DMXL2: variants seen among roughly 807,000 people sequenced by gnomAD.
DMXL2 encodes Dmx like 2.
Under a neutral mutation model 331.1 loss-of-function variants are expected in DMXL2, and 103 were observed. That is an observed-to-expected ratio of 0.31 (90% CI 0.27 to 0.37). The LOEUF (loss-of-function observed/expected upper bound fraction) is 0.37, where lower values mean the gene tolerates loss of function less well. DMXL2 is among the 10% of genes least tolerant of loss of function. DMXL2 has a pLI of 1.00. For missense variants in DMXL2, 3,171 were observed against 3,642.9 expected (o/e 0.87, Z 3.33); for synonymous variants, 1,281 against 1,252.1 (o/e 1.02, Z -0.49).
intron 13 of DMXL2, among the ~76,000 whole-genome samples, chr15:51,531,900 G>A (rs1251988518): frequency 6.6e-6 from 1 of 152,164 alleles, no homozygotes. Context: ...GTGGAGAAAA[G>A]GGAACCCTCA....
chr15:51,458,462 A>G (rs760332026), intron 36 of DMXL2, 44 bp downstream of exon 36: 1 of 1,594,030 alleles, frequency 6.3e-7, no homozygotes, highest in Non-Finnish European at 8.6e-7. Flanking sequence ...TTTGGTGGGT[A>G]CTTCTTACAG....
intron 13 of DMXL2, among the ~76,000 whole-genome samples, chr15:51,529,826 A>G (rs1211047121): frequency 6.6e-6 from 1 of 152,122 alleles, no homozygotes; most frequent in Non-Finnish European, 1.5e-5. Flanking sequence ...CAGGTCAATA[A>G]CTCTGATGAA....
intron 24 of DMXL2, 138 bp downstream of exon 24, chr15:51,480,404 T>C: frequency 9.1e-7 from 1 of 1,103,228 alleles, no homozygotes; most frequent in Non-Finnish European, 1.2e-6. Context: ...AGTATAAATA[T>C]CTGCCTCCTA....
At chr15:51,455,678 A>G (rs2039560207) in intron 39 of DMXL2, among the ~76,000 whole-genome samples, 1 of 152,194 alleles carries the variant, frequency 6.6e-6, no homozygotes, top group South Asian at 2.1e-4. Context: ...GGTGTGAACC[A>G]CTGTGACTGG....
rs3751584 is a variant in DMXL2, at chr15:51,481,160, G to A, written c.5946C>T (p.His1982=). The A allele has an allele frequency of 1.5e-3, 2,470 of 1,613,470 alleles. 53 individuals carry two copies. The East Asian group carries it at 0.048, about 31-fold the overall frequency. Residue 1982 remains histidine (H), a synonymous_variant, in exon 24 of 44, where the codon CAC becomes CAT. Coordinates refer to ENST00000560891, the MANE Select transcript of DMXL2 (RefSeq NM_001378457.1). Reference sequence around the variant, plus strand: ...CTTCCTCTTCATCTAAGGCACTGTCGTGATCTTCACCCCAATCAAGATTAA... The same window carrying A: ...CTTCCTCTTCATCTAAGGCACTGTCATGATCTTCACCCCAATCAAGATTAA... ...EPLNLDWGED[H]DSALDEEEDD...
chr15:51,597,408 C>T (rs1266521034), intron 1 of DMXL2, among the ~76,000 whole-genome samples: 1 of 152,124 alleles, frequency 6.6e-6, no homozygotes, highest in Non-Finnish European at 1.5e-5. Flanking sequence ...CCCCTCTGAA[C>T]TTTATGTAAA....
chr15:51,601,152 G>A (rs888706759), intron 1 of DMXL2, among the ~76,000 whole-genome samples: 29 of 152,020 alleles, frequency 1.9e-4, no homozygotes, highest in Non-Finnish European at 3.4e-4. Flanking sequence ...TTAGCCGGGC[G>A]TGGTGGCAGG....
At chr15:51,549,774 A>G (rs574648356) in intron 6 of DMXL2, among the ~76,000 whole-genome samples, 2 of 152,122 alleles carry the variant, frequency 1.3e-5, no homozygotes, top group African/African-American at 2.4e-5. Context: ...AGAATTGTCT[A>G]TTGATGTCCT....
At chr15:51,595,096 A>G (rs1347302983) in intron 1 of DMXL2, among the ~76,000 whole-genome samples, 1 of 152,198 alleles carries the variant, frequency 6.6e-6, no homozygotes, top group Non-Finnish European at 1.5e-5. Context: ...GAAGGAAATA[A>G]AGGGTATTCA....
At chr15:51,618,653 T>C (rs1308512257) in intron 1 of DMXL2, among the ~76,000 whole-genome samples, 1 of 152,176 alleles carries the variant, frequency 6.6e-6, no homozygotes, top group Non-Finnish European at 1.5e-5. Flanking sequence ...TAAGAGTGTC[T>C]GTTATTTAAT....
chr15:51,547,925 T>C (rs2048977598), intron 6 of DMXL2, among the ~76,000 whole-genome samples: 1 of 152,156 alleles, frequency 6.6e-6, no homozygotes, highest in Admixed American at 6.6e-5. Flanking sequence ...CACAGGTCTA[T>C]GACACAGATT....
rs1018064754 is a variant in DMXL2, at chr15:51,476,534, T to C, written c.6964+55A>G. On this transcript the variant is annotated intron_variant, in intron 27 of 43. Coordinates refer to ENST00000560891, the MANE Select transcript of DMXL2 (RefSeq NM_001378457.1). ...AGCAGGAAACTGGTCAGTAGGCTTTTAGGAAGAAATTGCCAACTAGAAGAT... is the reference window on the plus strand; with the variant it reads ...AGCAGGAAACTGGTCAGTAGGCTTTCAGGAAGAAATTGCCAACTAGAAGAT... 6.6e-5 allele frequency: 105 copies of C among 1,581,576 alleles called. 1 individual carries two copies. The South Asian group carries it at 1.2e-3, about 18-fold the overall frequency.
At chr15:51,451,796 TTCTTA>T (rs1367756030) in intron 41 of DMXL2, 99 bp from the exon 42 acceptor site, 2 of 1,059,350 alleles carry the variant, frequency 1.9e-6, no homozygotes, top group African/African-American at 1.6e-5. Flanking sequence ...TGCTTATTCA[TTCTTA>T]TCTTTTTTGT....
intron 1 of DMXL2, among the ~76,000 whole-genome samples, chr15:51,597,434 T>C (rs1270419236): frequency 1.3e-5 from 2 of 152,236 alleles, no homozygotes; most frequent in East Asian, 3.8e-4. Flanking sequence ...TCATACTGTA[T>C]GCTTTTGTGT....
intron 20 of DMXL2, among the ~76,000 whole-genome samples, chr15:51,490,350 A>G (rs1227470892): frequency 6.6e-6 from 1 of 152,224 alleles, no homozygotes; most frequent in Non-Finnish European, 1.5e-5. Flanking sequence ...TGCATTTTAC[A>G]TAAGTTTACC....
At position 51,525,599 on chromosome 15, in the gene DMXL2, T is replaced by G. The variant is rs547454437; in HGVS notation, c.2437-8432A>C. On this transcript the variant is annotated intron_variant, in intron 13 of 43. Coordinates refer to ENST00000560891, the MANE Select transcript of DMXL2 (RefSeq NM_001378457.1). ...TGGTGAGTCTCAGACTAGGCAGCAT[T>G]TACAACAAGCTAACCAAAGAGCTCC... 1.1e-4 allele frequency among the ~76,000 whole-genome samples: 16 copies of G among 152,124 alleles called. No individual in the cohort carries two copies. In the South Asian group the frequency reaches 3.1e-3, roughly 30 times the overall value.
intron 1 of DMXL2, among the ~76,000 whole-genome samples, chr15:51,592,717 G>T (rs750447708): frequency 6.6e-6 from 1 of 152,174 alleles, no homozygotes; most frequent in Non-Finnish European, 1.5e-5. Flanking sequence ...CTGATCTCTC[G>T]GCATAAACTC....
At chr15:51,518,348 G>A (rs1180265932) in intron 13 of DMXL2, among the ~76,000 whole-genome samples, 2 of 152,008 alleles carry the variant, frequency 1.3e-5, no homozygotes, top group Non-Finnish European at 2.9e-5. Flanking sequence ...GAAAAAAAAA[G>A]AAATGGTGTT....
chr15:51,524,345 G>A (rs549873348), intron 13 of DMXL2, among the ~76,000 whole-genome samples: 1 of 152,338 alleles, frequency 6.6e-6, no homozygotes, highest in African/African-American at 2.4e-5. Context: ...GGTAGGAATA[G>A]AGGAAGATGG....
Sources: allele counts gnomAD v4.1 joint callset (sites outside exome capture counted in the v4.1 genomes callset), GRCh38; gene constraint gnomAD v4.1.1; transcripts MANE v1.5; gene names NCBI Gene and HGNC (gene_info 2026-07-23, HGNC 2026-07-21).